ZNF208: variants seen among roughly 807,000 people sequenced by gnomAD.
The protein encoded by ZNF208 is zinc finger protein 208, also known as zinc finger protein 95.
ZNF208 carries 10 observed loss-of-function variants against 12.1 expected under a neutral mutation model. The ratio of observed to expected loss-of-function variants is 0.83; its 90% CI spans 0.51 to 1.40. ZNF208 has a LOEUF of 1.40. ZNF208 is among the 40% of genes most tolerant of loss of function. The probability of loss-of-function intolerance (pLI) is 0.00; values close to 1 mark genes in which losing one functional copy is unlikely to be tolerated. For missense variants in ZNF208, 1,652 were observed against 1,485.0 expected (o/e 1.11, Z -1.85); for synonymous variants, 497 against 488.4 (o/e 1.02, Z -0.23).
chr19:21,981,422 C>T (rs1340687105), intron 3 of ZNF208, among the ~76,000 whole-genome samples: 3 of 152,018 alleles, frequency 2.0e-5, no homozygotes, highest in African/African-American at 4.8e-5. Flanking sequence ...AATCAATAAA[C>T]ATAATCGCTC....
At position 21,972,671 on chromosome 19, in the gene ZNF208, C is replaced by A; in HGVS notation, c.2363G>T (p.Arg788Leu). The change falls in exon 4 of 4, where the codon CGA becomes CTA. Residue 788 changes from arginine (R) to leucine (L), a missense_variant. Physicochemically the swap from Arg to Leu is moderately radical, Grantham distance 102. Transcript: ENST00000397126. ...KCEECGKAFN[R>L]SAILIKHKRI... The stretch of plus-strand genomic sequence containing the variant: ...CTTATGTTTAATAAGGATTGCAGAT[C>A]GGTTAAAAGCTTTGCCACATTCTTC... 1 of 1,609,192 alleles carries A rather than the reference C, an allele frequency of 6.2e-7. No homozygotes were observed.
At position 21,978,094 on chromosome 19, in the gene ZNF208, G is replaced by A. The variant is rs138098739; in HGVS notation, c.227-3287C>T. 2.1e-3 allele frequency among the ~76,000 whole-genome samples: 323 copies of A among 152,240 alleles called. 1 individual carries two copies. The highest frequency in any genetic ancestry group is 7.5e-3 in the African/African-American group (312 of 41,568). On this transcript the variant is annotated intron_variant, in intron 3 of 3. Coordinates refer to ENST00000397126, the MANE Select transcript of ZNF208 (RefSeq NM_007153.3). ...ACATTCAGGGGCATATAGATAAAAC[G>A]CCCATCTCCCTGGGACAGAGCACCT...
At chr19:21,991,240 G>C (rs1483806180) in intron 1 of ZNF208, among the ~76,000 whole-genome samples, 2 of 152,108 alleles carry the variant, frequency 1.3e-5, no homozygotes, top group Admixed American at 1.3e-4. Context: ...TTGGCTGTGA[G>C]TTTGTCATAG....
intron 1 of ZNF208, chr19:21,998,685 C>T (rs965276149): frequency 6.6e-6 from 1 of 152,254 alleles, no homozygotes; most frequent in Non-Finnish European, 1.5e-5. Flanking sequence ...ATCCACCCCC[C>T]TTGGCCTCCC....
Position 21,967,986 on chromosome 19 carries a change from TTG to T in ZNF208, c.*3203_*3204del, listed in dbSNP as rs918013939. ...ATTTAATGTATTTCTAGGTATTTTT[TTG>T]TGTGTTTGTTGCTATTGTAAATAGA... On this transcript the variant is annotated 3_prime_UTR_variant, in exon 4 of 4. Transcript: ENST00000397126. 3.9e-5 allele frequency: 6 copies of T among 152,160 alleles called. No homozygotes were observed. The South Asian group carries it at 8.3e-4, about 21-fold the overall frequency. 9.4% of individuals were successfully genotyped at this position (152,160 alleles called of 1,614,324 possible).
intron 3 of ZNF208, among the ~76,000 whole-genome samples, chr19:21,984,582 A>AAC (rs1970601656): frequency 2.0e-5 from 3 of 151,582 alleles, no homozygotes; most frequent in African/African-American, 7.3e-5. Context: ...ACAAACAAAA[A>AAC]AAATATATAT....
intron 1 of ZNF208, among the ~76,000 whole-genome samples, chr19:22,006,311 C>A (rs1323668472): frequency 6.6e-6 from 1 of 152,080 alleles, no homozygotes; most frequent in Non-Finnish European, 1.5e-5. Context: ...TCTTTGCAAT[C>A]CTTAAAGATC....
chr19:21,995,162 G>A (rs1311174708), intron 1 of ZNF208, among the ~76,000 whole-genome samples: 1 of 152,076 alleles, frequency 6.6e-6, no homozygotes, highest in Non-Finnish European at 1.5e-5. Flanking sequence ...ATGTTGGCCA[G>A]GCTGGTCTCG....
At chr19:22,005,985 C>G (rs1599635123) in intron 1 of ZNF208, among the ~76,000 whole-genome samples, 1 of 151,960 alleles carries the variant, frequency 6.6e-6, no homozygotes, top group South Asian at 2.1e-4. Flanking sequence ...ATATTTTCTT[C>G]TTCTTCTCAT....
rs564913509 is a variant in ZNF208, at chr19:21,972,401, T to A, written c.2633A>T (p.Tyr878Phe). Reference sequence around the variant, plus strand: ...CTCTCCAGTATGAATTTTCTTATGATAACTAAGGGTTGAGGGCCATTTATA... The same window carrying A: ...CTCTCCAGTATGAATTTTCTTATGAAAACTAAGGGTTGAGGGCCATTTATA... ...KAYKWPSTLS[Y>F]HKKIHTGEKP... Residue 878 changes from tyrosine (Y) to phenylalanine (F), a missense_variant, in exon 4 of 4, where the codon TAT becomes TTT. Physicochemically the swap from Tyr to Phe is conservative, Grantham distance 22. Around this residue, in one of 3 missense-constraint regions of ZNF208, gnomAD observed 1,239 missense variants for 1,086.2 expected, o/e 1.14. Coordinates refer to ENST00000397126, the MANE Select transcript of ZNF208 (RefSeq NM_007153.3). 1.9e-6 allele frequency: 3 copies of A among 1,612,572 alleles called. No homozygotes were observed. The highest frequency in any genetic ancestry group is 2.2e-5 in the South Asian group (2 of 90,996).
intron 4 of ZNF208, among the ~76,000 whole-genome samples, chr19:21,952,083 G>C (rs1471353557): frequency 2.0e-5 from 3 of 152,228 alleles, no homozygotes; most frequent in African/African-American, 7.2e-5. Flanking sequence ...CAACGCAGCA[G>C]CCTGGCTAGG....
At chr19:21,975,804 G>C (rs1359797469) in intron 3 of ZNF208, among the ~76,000 whole-genome samples, 1 of 85,956 alleles carries the variant, frequency 1.2e-5, no homozygotes, top group East Asian at 3.6e-4. Context: ...GAAGAAAACT[G>C]TGTGATATAG....
At chr19:21,976,085 A>C (rs1346035808) in intron 3 of ZNF208, among the ~76,000 whole-genome samples, 1 of 152,124 alleles carries the variant, frequency 6.6e-6, no homozygotes, top group Non-Finnish European at 1.5e-5. Context: ...CAAAAAATTG[A>C]ATTTCTAGCA....
chr19:21,945,477 C>T (rs2175366), intron 4 of ZNF208, among the ~76,000 whole-genome samples: 117,366 of 151,876 alleles, frequency 0.77, 45,885 homozygotes, highest in African/African-American at 0.9. Context: ...TTTTCTCTTA[C>T]ATGTCAATAT....
intron 1 of ZNF208, among the ~76,000 whole-genome samples, chr19:22,004,939 C>T (rs1163066296): frequency 2.0e-5 from 3 of 152,212 alleles, no homozygotes; most frequent in South Asian, 2.1e-4. Context: ...AAAACAAAGT[C>T]CCTGGGTTGG....
At chr19:21,964,396 G>A (rs1970129060), downstream of ZNF208, among the ~76,000 whole-genome samples, 1 of 151,622 alleles carries the variant, frequency 6.6e-6, no homozygotes, top group Non-Finnish European at 1.5e-5. Flanking sequence ...CAACTGTTTA[G>A]AGTAAAATTC....
chr19:21,968,119 A>G lies in ZNF208; in HGVS notation c.*3072T>C, dbSNP rs1208127421. 1 of 152,058 alleles carries G rather than the reference A, an allele frequency of 6.6e-6. No homozygotes were observed. The highest frequency in any genetic ancestry group is 1.5e-5 in the Non-Finnish European group (1 of 68,000). 9.4% of individuals were successfully genotyped at this position (152,058 alleles called of 1,614,324 possible). A position where few individuals can be genotyped will look rare whatever the true frequency, so the allele number is the denominator to read the frequency against. ...AAGATTTTTTTTGAAGTCTTTTTCC[A>G]GGCTTAGAACTCTTTTGGTGAAACC... On this transcript the variant is annotated 3_prime_UTR_variant, in exon 4 of 4. Coordinates refer to ENST00000397126, the MANE Select transcript of ZNF208 (RefSeq NM_007153.3).
intron 4 of ZNF208, among the ~76,000 whole-genome samples, chr19:21,959,565 T>C (rs1970031059): frequency 6.6e-6 from 1 of 152,208 alleles, no homozygotes; most frequent in Non-Finnish European, 1.5e-5. Flanking sequence ...CTCACTTGAA[T>C]GATCCCTTTG....
Position 21,973,644 on chromosome 19 carries a change from T to C in ZNF208, c.1390A>G (p.Met464Val), listed in dbSNP as rs575839701. 36 of 1,575,586 alleles carry C rather than the reference T, an allele frequency of 2.3e-5. No homozygotes were observed. In the South Asian group the frequency reaches 3.9e-4, roughly 17 times the overall value. ...TTATGTTTAGTAAGGATTGAGAACA[T>C]ACTAAAGCCTTTGCCACATTCTTCA... ...KCEECGKGFS[M>V]FSILTKHKVI... is the part of the protein sequence containing the mutation. The change falls in exon 4 of 4, where the codon ATG becomes GTG. Residue 464 changes from methionine (M) to valine (V), a missense_variant. By Grantham distance (21) the Met-to-Val change is conservative (BLOSUM62 1). Coordinates refer to ENST00000397126, the MANE Select transcript of ZNF208 (RefSeq NM_007153.3).
Sources: gnomAD v4.1 joint callset for allele counts (sites outside exome capture counted in the v4.1 genomes callset) on GRCh38, gnomAD v4.1.1 for gene constraint, gnomAD v4.1.1 regional missense constraint, MANE v1.5 for transcripts, NCBI Gene and HGNC (gene_info 2026-07-23, HGNC 2026-07-21) for gene names.